The following RALGPS2 variants were observed in gnomAD, a reference collection of about 807,000 sequenced individuals.
The protein encoded by RALGPS2 is ras-specific guanine nucleotide-releasing factor RalGPS2.
Under a neutral mutation model 86.8 loss-of-function variants are expected in RALGPS2, and 43 were observed. That is an observed-to-expected ratio of 0.50 (90% CI 0.39 to 0.64). The LOEUF (loss-of-function observed/expected upper bound fraction) is 0.64, where lower values mean the gene tolerates loss of function less well. RALGPS2 is among the 30% of genes least tolerant of loss of function. The probability of loss-of-function intolerance (pLI) is 0.00; values close to 1 mark genes in which losing one functional copy is unlikely to be tolerated. For synonymous variants in RALGPS2, 243 were observed against 231.3 expected (o/e 1.05, Z -0.46); for missense variants, 536 against 694.6 (o/e 0.77, Z 2.57).
chr1:178,855,443 C>T (rs1441203032), intron 8 of RALGPS2, among the ~76,000 whole-genome samples: 1 of 151,682 alleles, frequency 6.6e-6, no homozygotes, highest in African/African-American at 2.4e-5. Context: ...TTTCTCTAGT[C>T]CAAATGTTTA....
At chr1:178,831,983 C>T (rs1254710204) in intron 7 of RALGPS2, among the ~76,000 whole-genome samples, 10 of 152,132 alleles carry the variant, frequency 6.6e-5, no homozygotes, top group South Asian at 2.1e-4. Context: ...TAATTTGTTT[C>T]TCCTGGTATT....
intron 8 of RALGPS2, chr1:178,850,452 A>G (rs899582022): frequency 1.3e-5 from 2 of 152,210 alleles, no homozygotes; most frequent in Admixed American, 6.5e-5. Context: ...AAATTCATTC[A>G]TAGATTTGTC....
rs2297687 is a variant in RALGPS2 at position 178,851,192 on chromosome 1, G to A, written c.607+17642G>A. The A allele has an allele frequency of 7.5e-3, 12,160 of 1,613,794 alleles. 803 individuals are homozygous for A. The East Asian group carries it at 0.17, about 23-fold the overall frequency. The stretch of plus-strand genomic sequence containing the variant: ...AGGAGTATGACCCGCCTCTGTATTC[G>A]GCCCAGAAAATTCCATCTTGGTGCT... On this transcript the variant is annotated intron_variant, in intron 8 of 19. Transcript: ENST00000367635.
chr1:178,887,068 GA>G (rs1572452097), intron 13 of RALGPS2, among the ~76,000 whole-genome samples: 1 of 152,288 alleles, frequency 6.6e-6, no homozygotes, highest in East Asian at 1.9e-4. Context: ...AAAGGGATGT[GA>G]GATTAAGAGA....
chr1:178,852,901 T>C (rs2102295832), intron 8 of RALGPS2: 1 of 1,613,716 alleles, frequency 6.2e-7, no homozygotes. Context: ...GCTAAGCATA[T>C]AGATATTTTC....
intron 8 of RALGPS2, chr1:178,852,573 G>T: frequency 8.3e-7 from 1 of 1,199,842 alleles, no homozygotes; most frequent in Non-Finnish European, 1.1e-6. Flanking sequence ...CTGCCACAGT[G>T]ACCAAAACTG....
At chr1:178,773,909 C>G (rs1334290602) in intron 1 of RALGPS2, among the ~76,000 whole-genome samples, 1 of 152,032 alleles carries the variant, frequency 6.6e-6, no homozygotes, top group Admixed American at 6.5e-5. Flanking sequence ...TTAATGTGAC[C>G]TTAATTTTCA....
At position 178,892,322 on chromosome 1, in the gene RALGPS2, C is replaced by G; in HGVS notation, c.1325+15C>G. 11 of 1,606,622 alleles carry G rather than the reference C, an allele frequency of 6.8e-6. No individual in the cohort carries two copies. Among genetic ancestry groups the G allele is most frequent in the Non-Finnish European group, 7.7e-6 (9 of 1,173,668 alleles). On this transcript the variant is annotated intron_variant, in intron 15 of 19. Coordinates refer to ENST00000367635, the MANE Select transcript of RALGPS2 (RefSeq NM_152663.5). ...AAGGCCAGCAGGTACAATTCCCCTG[C>G]ATTCAGGGGTCACAGAACTCCCTTA...
At position 178,917,455 on chromosome 1, in the gene RALGPS2, T is replaced by G. The variant is rs1660851115; in HGVS notation, c.*1096T>G. 1 of 152,238 alleles carries G rather than the reference T, an allele frequency of 6.6e-6. No individual in the cohort carries two copies. Among genetic ancestry groups the G allele is most frequent in the South Asian group, 2.1e-4 (1 of 4,826 alleles). 9.4% of individuals were successfully genotyped at this position (152,238 alleles called of 1,614,324 possible). On this transcript the variant is annotated 3_prime_UTR_variant, in exon 20 of 20. Transcript: ENST00000367635. The stretch of plus-strand genomic sequence containing the variant: ...TCATATTTGTTTAAAAGGTAACACA[T>G]AGAGATGTATGTATATATTTTGTTA...
At chr1:178,777,064 T>C (rs1653131429) in intron 2 of RALGPS2, among the ~76,000 whole-genome samples, 1 of 151,230 alleles carries the variant, frequency 6.6e-6, no homozygotes, top group African/African-American at 2.4e-5. Context: ...ACTCGTCATC[T>C]AGCATTAGGT....
At chr1:178,909,165 TC>T (rs2102416062) in intron 19 of RALGPS2, among the ~76,000 whole-genome samples, 1 of 152,326 alleles carries the variant, frequency 6.6e-6, no homozygotes, top group Admixed American at 6.5e-5. Context: ...GGGAGCCTTT[TC>T]CCCATTGCTT....
intron 4 of RALGPS2, among the ~76,000 whole-genome samples, chr1:178,805,472 G>C (rs908935467): frequency 4.0e-5 from 6 of 149,750 alleles, no homozygotes; most frequent in Non-Finnish European, 8.9e-5. Flanking sequence ...GTAAGGAAGG[G>C]ATCCAGTTTC....
chr1:178,860,163 T>TAG (rs1190453587), intron 8 of RALGPS2, among the ~76,000 whole-genome samples: 2 of 151,718 alleles, frequency 1.3e-5, no homozygotes, highest in African/African-American at 4.9e-5. Flanking sequence ...TTTTTATAAA[T>TAG]ACGCTATTTG....
At position 178,885,985 on chromosome 1, in the gene RALGPS2, A is replaced by C; in HGVS notation, c.1057A>C (p.Asn353His). The change falls in exon 13 of 20, where the codon AAC becomes CAC. Residue 353 changes from asparagine to histidine, a missense_variant. Coordinates refer to ENST00000367635, the MANE Select transcript of RALGPS2 (RefSeq NM_152663.5). ...TGTTTCTAGTTTCATTCATAAAATG[A>C]ACACAGCAGAATTTAAGAGTGCAAC... ...SLGYNFIHKM[N>H]TAEFKSATFP... is the part of the protein sequence containing the mutation. 1 of 1,595,100 alleles carries C rather than the reference A, an allele frequency of 6.3e-7. No homozygotes were observed. Among genetic ancestry groups the C allele is most frequent in the Non-Finnish European group, 8.5e-7 (1 of 1,173,860 alleles).
chr1:178,761,630 G>A lies in RALGPS2; in HGVS notation c.-83-15052G>A, dbSNP rs557364120. ...GGCTGGAGTGTAATGGTGTAATCTC[G>A]GCTCACTGCAACCTCCGCCTTCCAG... On this transcript the variant is annotated intron_variant, in intron 1 of 19. Coordinates refer to ENST00000367635, the MANE Select transcript of RALGPS2 (RefSeq NM_152663.5). Among the ~76,000 whole-genome samples the A allele has an allele frequency of 1.3e-4, 19 of 151,334 alleles. 1 individual carries two copies. In the South Asian group the frequency reaches 1.7e-3, roughly 13 times the overall value.
intron 1 of RALGPS2, among the ~76,000 whole-genome samples, chr1:178,776,383 T>A (rs1239717918): frequency 1.3e-5 from 2 of 152,352 alleles, no homozygotes; most frequent in East Asian, 3.9e-4. Context: ...TTATTTACTT[T>A]AAGAAAGTTG....
At chr1:178,880,658 T>C (rs770596664) in intron 10 of RALGPS2, among the ~76,000 whole-genome samples, 2 of 152,192 alleles carry the variant, frequency 1.3e-5, no homozygotes, top group South Asian at 2.1e-4. Flanking sequence ...AGAACAGATA[T>C]CTTAAAATTC....
intron 4 of RALGPS2, among the ~76,000 whole-genome samples, chr1:178,798,264 C>G (rs1344576924): frequency 2.0e-5 from 3 of 152,136 alleles, no homozygotes; most frequent in African/African-American, 4.8e-5. Context: ...GCATACCATT[C>G]TATTGTAGTA....
intron 11 of RALGPS2, 37 bp from the exon 12 acceptor site, chr1:178,885,039 G>T: frequency 6.5e-7 from 1 of 1,530,682 alleles, no homozygotes; most frequent in Non-Finnish European, 8.8e-7. Flanking sequence ...GAAAAATAAA[G>T]TAATCATTTG....
Sources: gnomAD v4.1 joint callset for allele counts (sites outside exome capture counted in the v4.1 genomes callset) on GRCh38, gnomAD v4.1.1 for gene constraint, MANE v1.5 for transcripts, NCBI Gene and HGNC (gene_info 2026-07-23, HGNC 2026-07-21) for gene names.